NTM: variants seen among roughly 807,000 people sequenced by gnomAD.
NTM encodes the protein IgLON family member 2.
Under a neutral mutation model 42.1 loss-of-function variants are expected in NTM, and 13 were observed. The observed-to-expected ratio is 0.31, with a 90% CI of 0.20 to 0.49. NTM has a LOEUF of 0.49. Ranked by LOEUF, NTM falls within the 20% of genes least tolerant of loss-of-function variation. The pLI is 0.99. For synonymous variants in NTM, 187 were observed against 179.2 expected (o/e 1.04, Z -0.35); for missense variants, 373 against 452.8 (o/e 0.82, Z 1.60).
chr11:132,281,658 A>G (rs1186249933), intron 4 of NTM, among the ~76,000 whole-genome samples: 1 of 152,216 alleles, frequency 6.6e-6, no homozygotes. Flanking sequence ...CCAAAGCACA[A>G]TATGTGCAGC....
intron 1 of NTM, among the ~76,000 whole-genome samples, chr11:131,840,392 G>A (rs1251085404): frequency 1.3e-5 from 2 of 152,168 alleles, no homozygotes; most frequent in Admixed American, 6.5e-5. Context: ...GGCACATCAT[G>A]GAAGGTGGAG....
intron 2 of NTM, among the ~76,000 whole-genome samples, chr11:131,918,861 G>A (rs2056813654): frequency 6.6e-6 from 1 of 152,146 alleles, no homozygotes; most frequent in Admixed American, 6.5e-5. Context: ...ACAGAATCCT[G>A]CAATTTCTAT....
chr11:131,988,005 A>G (rs982516530), intron 2 of NTM, among the ~76,000 whole-genome samples: 1 of 152,238 alleles, frequency 6.6e-6, no homozygotes, highest in African/African-American at 2.4e-5. Context: ...GATAAACAAC[A>G]AACATTTATT....
At chr11:131,887,702 G>A (rs938183704) in intron 1 of NTM, among the ~76,000 whole-genome samples, 1 of 152,134 alleles carries the variant, frequency 6.6e-6, no homozygotes, top group Admixed American at 6.6e-5. Flanking sequence ...CGCACTGTAG[G>A]TAATGTGTAT....
chr11:131,587,345 G>A (rs1480093389), intron 1 of NTM, among the ~76,000 whole-genome samples: 1 of 152,022 alleles, frequency 6.6e-6, no homozygotes, highest in Non-Finnish European at 1.5e-5. Context: ...CTACTCGGGA[G>A]GCTGAGGCAG....
chr11:132,065,459 CTG>C (rs554154131), intron 2 of NTM, among the ~76,000 whole-genome samples: 15 of 152,204 alleles, frequency 9.9e-5, no homozygotes, highest in Non-Finnish European at 1.9e-4. Flanking sequence ...AGATTCCACA[CTG>C]TCTCTCTTCT....
chr11:132,263,009 C>T (rs531544773), intron 4 of NTM, among the ~76,000 whole-genome samples: 17 of 152,282 alleles, frequency 1.1e-4, no homozygotes, highest in African/African-American at 3.9e-4. Flanking sequence ...AAAGAAGGGG[C>T]AACGGTTCCC....
intron 1 of NTM, chr11:131,794,724 A>G (rs578050638): frequency 1.0e-6 from 1 of 985,456 alleles, no homozygotes; most frequent in South Asian, 4.7e-5. Flanking sequence ...ATCTAAAAGC[A>G]GAGATAGCTT....
chr11:131,869,033 G>A (rs2047503910), intron 1 of NTM, among the ~76,000 whole-genome samples: 2 of 152,110 alleles, frequency 1.3e-5, no homozygotes, highest in African/African-American at 2.4e-5. Context: ...GTGGTTTATG[G>A]TGGTTTCCTC....
At position 131,661,012 on chromosome 11, in the gene NTM, G is replaced by C. The variant is rs551874700; in HGVS notation, c.83-250552G>C. ...AAAAAAAATGAACGGAAAAAGAAAC[G>C]GGGAAGGTGGGAAGAGGTGGAAATG... On this transcript the variant is annotated intron_variant, in intron 1 of 8. Transcript: ENST00000683400. 11 of 1,304,488 alleles carry C rather than the reference G, an allele frequency of 8.4e-6. No homozygotes were observed. The East Asian group carries it at 6.1e-4, about 72-fold the overall frequency. 80.8% of individuals were successfully genotyped at this position (1,304,488 alleles called of 1,614,324 possible). A position where few individuals can be genotyped will look rare whatever the true frequency, so the allele number is the denominator to read the frequency against.
At chr11:132,158,982 C>T (rs558671272) in intron 3 of NTM, among the ~76,000 whole-genome samples, 5 of 152,190 alleles carry the variant, frequency 3.3e-5, no homozygotes, top group Non-Finnish European at 7.3e-5. Flanking sequence ...CTGCCACCCC[C>T]AGGGTGTGGG....
intron 1 of NTM, among the ~76,000 whole-genome samples, chr11:131,797,003 G>A (rs377465190): frequency 6.6e-6 from 1 of 152,162 alleles, no homozygotes; most frequent in East Asian, 1.9e-4. Context: ...TCTTAGTAAA[G>A]CACTTAATTG....
At chr11:132,220,530 G>A (rs536502681) in intron 4 of NTM, among the ~76,000 whole-genome samples, 21 of 152,312 alleles carry the variant, frequency 1.4e-4, no homozygotes, top group Admixed American at 2.0e-4. Flanking sequence ...AAATTAATGA[G>A]TTCAATGTGC....
At chr11:131,463,312 C>A (rs1050364746) in intron 1 of NTM, among the ~76,000 whole-genome samples, 1 of 152,196 alleles carries the variant, frequency 6.6e-6, no homozygotes, top group Admixed American at 6.5e-5. Flanking sequence ...AGCAGGGGCA[C>A]GTGCATCACC....
intron 3 of NTM, among the ~76,000 whole-genome samples, chr11:132,209,608 G>A (rs576365154): frequency 6.6e-6 from 1 of 152,286 alleles, no homozygotes; most frequent in African/African-American, 2.4e-5. Context: ...AGGAAAGGTG[G>A]GAACATGTTA....
chr11:131,908,375 G>A (rs1287999024), intron 1 of NTM, among the ~76,000 whole-genome samples: 1 of 152,214 alleles, frequency 6.6e-6, no homozygotes, highest in African/African-American at 2.4e-5. Flanking sequence ...CCTCGGGAAA[G>A]CCTGTTGTTG....
intron 2 of NTM, among the ~76,000 whole-genome samples, chr11:131,922,656 G>A (rs561378042): frequency 2.2e-4 from 34 of 152,248 alleles, no homozygotes; most frequent in African/African-American, 6.3e-4. Flanking sequence ...AGCCACCACC[G>A]TCTCTCCTCG....
At chr11:131,862,477 C>T (rs1021131267) in intron 1 of NTM, among the ~76,000 whole-genome samples, 1 of 152,156 alleles carries the variant, frequency 6.6e-6, no homozygotes, top group Non-Finnish European at 1.5e-5. Context: ...ATATTTATTG[C>T]TGTGTCCTAG....
intron 1 of NTM, chr11:131,671,720 C>T: frequency 1.7e-6 from 1 of 575,042 alleles, no homozygotes; most frequent in Non-Finnish European, 2.2e-6. Context: ...ACAAAGCGCC[C>T]ATCGACAGTG....
Sources: allele counts gnomAD v4.1 joint callset (sites outside exome capture counted in the v4.1 genomes callset), GRCh38; gene constraint gnomAD v4.1.1; transcripts MANE v1.5; gene names NCBI Gene and HGNC (gene_info 2026-07-23, HGNC 2026-07-21).